The following SNUPN variants were observed in gnomAD, a reference collection of about 807,000 sequenced individuals.
SNUPN encodes the protein snurportin-1.
Under a neutral mutation model 39.2 loss-of-function variants are expected in SNUPN, and 31 were observed. That is an observed-to-expected ratio of 0.79 (90% CI 0.59 to 1.07). The LOEUF is 1.07. Ranked by LOEUF, SNUPN falls within the 50% of genes least tolerant of loss-of-function variation. SNUPN has a pLI of 0.00. For synonymous variants in SNUPN, 132 were observed against 159.0 expected, an observed-to-expected ratio of 0.83 and a Z score of 1.28; for missense variants, 382 against 434.2, an observed-to-expected ratio of 0.88 and a Z score of 1.07.
chr15:75,615,062 T>C (rs115712663), intron 3 of SNUPN, among the ~76,000 whole-genome samples: 1,601 of 152,332 alleles, frequency 0.011, 34 homozygotes, highest in African/African-American at 0.036. Context: ...TCCAGTCCAC[T>C]GCTAAGTTCT....
intron 3 of SNUPN, among the ~76,000 whole-genome samples, chr15:75,611,334 G>A (rs1471761558): frequency 6.7e-6 from 1 of 149,896 alleles, no homozygotes; most frequent in Non-Finnish European, 1.5e-5. Flanking sequence ...CTCACTGCAA[G>A]CTGCGCCTCC....
chr15:75,613,460 C>A (rs775727142), intron 3 of SNUPN, among the ~76,000 whole-genome samples: 1 of 150,704 alleles, frequency 6.6e-6, no homozygotes, highest in Non-Finnish European at 1.5e-5. Context: ...CTGGTCAATA[C>A]GCTGAAACCC....
intron 1 of SNUPN, 40 bp from the exon 2 acceptor site, chr15:75,621,096 T>C: frequency 6.3e-7 from 1 of 1,597,270 alleles, no homozygotes; most frequent in South Asian, 1.1e-5. Context: ...ATTCATTTCA[T>C]ATCATCTCCT....
chr15:75,608,322 G>A (rs2141367065), intron 5 of SNUPN, among the ~76,000 whole-genome samples: 1 of 152,272 alleles, frequency 6.6e-6, no homozygotes, highest in South Asian at 2.1e-4. Flanking sequence ...AATAAAGGCT[G>A]CAGTGAGCTG....
chr15:75,601,170 A>G lies in SNUPN; in HGVS notation c.727T>C (p.Cys243Arg). The G allele has an allele frequency of 6.2e-7, 1 of 1,613,886 alleles. No individual in the cohort carries two copies. Residue 243 changes from cysteine (C) to arginine (R), a missense_variant, in exon 8 of 9, where the codon TGT (cysteine) becomes CGT (arginine). Transcript: ENST00000308588. ...GGGAAATCCATAGATAGCACATCAC[A>G]CAGGCTTTCGGGAGTGCAAGGGAAG... ...KNFPCTPESL[C>R]DVLSMDFPFE... is the part of the protein sequence containing the mutation.
chr15:75,607,300 T>C lies in SNUPN; in HGVS notation c.516A>G (p.Leu172=), dbSNP rs980308070. The C allele has an allele frequency of 1.2e-6, 2 of 1,610,758 alleles. No individual in the cohort carries two copies. The highest frequency in any genetic ancestry group is 2.2e-5 in the South Asian group (2 of 90,994). The change falls in exon 6 of 9, where the codon CTA becomes CTG. Residue 172 remains leucine, a synonymous_variant. Transcript: ENST00000308588. ...RNSTAKDYTI[L]DCIYNEVNQT... ...GGTTTACCTCATTGTAAATGCAATC[T>C]AGAATGGTGTAGTCTGAGGACACAA...
intron 6 of SNUPN, among the ~76,000 whole-genome samples, chr15:75,605,937 G>A (rs1445662312): frequency 6.6e-6 from 1 of 152,184 alleles, no homozygotes; most frequent in East Asian, 1.9e-4. Context: ...CTTGAGGTCA[G>A]GAGTTCAAGA....
chr15:75,600,334 G>C (rs1190446801), intron 8 of SNUPN, among the ~76,000 whole-genome samples: 1 of 151,846 alleles, frequency 6.6e-6, no homozygotes, highest in Non-Finnish European at 1.5e-5. Flanking sequence ...GAGTGCAGTG[G>C]CTCAATCTCG....
At position 75,610,398 on chromosome 15, in the gene SNUPN, C is replaced by CT. The variant is rs1279246316; in HGVS notation, c.304-405dup. On this transcript the variant is annotated intron_variant, in intron 3 of 8. Transcript: ENST00000308588. ...CTGGGCACCAAGAGCGAAACTCTGT[C>CT]TCAAAAAAAAAAAAAAAAAAGAATG... Among the ~76,000 whole-genome samples, 12 of 135,318 alleles carry CT rather than the reference C, an allele frequency of 8.9e-5. No homozygotes were observed. The Admixed American group carries it at 9.0e-4, about 10-fold the overall frequency. The allele number at this position is 135,318 out of a possible 152,430, so 88.8% of individuals were successfully genotyped here. A position where few individuals can be genotyped will look rare whatever the true frequency, so the allele number is the denominator to read the frequency against.
chr15:75,617,071 TA>T (rs1178525795), intron 3 of SNUPN, among the ~76,000 whole-genome samples: 1 of 152,084 alleles, frequency 6.6e-6, no homozygotes, highest in East Asian at 1.9e-4. Context: ...CAGTGACAAC[TA>T]AAAAAAATGA....
Position 75,598,264 on chromosome 15 carries a change from AAAGAATG to A in SNUPN, c.*87_*93del, listed in dbSNP as rs2075256846. The A allele has an allele frequency of 9.9e-7, 1 of 1,013,366 alleles. No homozygotes were observed. Among genetic ancestry groups the A allele is most frequent in the Non-Finnish European group, 1.4e-6 (1 of 696,894 alleles). The allele number at this position is 1,013,366 out of a possible 1,614,324, so 62.8% of individuals were successfully genotyped here. On this transcript the variant is annotated 3_prime_UTR_variant, in exon 9 of 9. Transcript: ENST00000308588. ...GGACTGGGTTTGGAAAGTTCACTCT[AAAGAATG>A]AAGTCACCTGTTGTCACTGTCCTCC...
intron 2 of SNUPN, among the ~76,000 whole-genome samples, chr15:75,620,506 A>G (rs1185071724): frequency 1.3e-5 from 2 of 152,196 alleles, no homozygotes; most frequent in South Asian, 2.1e-4. Flanking sequence ...AGATGGGAAG[A>G]CCACACCAAT....
intron 2 of SNUPN, among the ~76,000 whole-genome samples, chr15:75,619,686 A>G (rs1893021277): frequency 6.6e-6 from 1 of 152,108 alleles, no homozygotes; most frequent in South Asian, 2.1e-4. Flanking sequence ...AATATAGGAG[A>G]GGAACTGGAT....
rs768259758 is a variant in SNUPN at position 75,621,052 on chromosome 15, C to T, written c.-1G>A. On this transcript the variant is annotated 5_prime_UTR_variant, in exon 2 of 9. Coordinates refer to ENST00000308588, the MANE Select transcript of SNUPN (RefSeq NM_005701.4). ...CCAGGGCCTGACTCAACTCTTCCAT[C>T]TTCCCTACAAAGGAAAACGTAAGAA... 13 of 1,613,772 alleles carry T rather than the reference C, an allele frequency of 8.1e-6. No individual in the cohort carries two copies. Among genetic ancestry groups the T allele is most frequent in the Admixed American group, 6.7e-5 (4 of 59,862 alleles).
chr15:75,622,722 AC>A (rs1351461165), intron 1 of SNUPN, among the ~76,000 whole-genome samples: 1 of 152,224 alleles, frequency 6.6e-6, no homozygotes, highest in African/African-American at 2.4e-5. Context: ...CAGAGCCTCT[AC>A]AGTGAAAAAT....
chr15:75,609,650 C>T lies in SNUPN; in HGVS notation c.410G>A (p.Gly137Asp). 1 of 1,605,672 alleles carries T rather than the reference C, an allele frequency of 6.2e-7. No homozygotes were observed. The highest frequency in any genetic ancestry group is 1.1e-5 in the South Asian group (1 of 90,200). Residue 137 changes from glycine to aspartate, a missense_variant and splice_region_variant, in exon 5 of 9, where the codon GGT becomes GAT. Coordinates refer to ENST00000308588, the MANE Select transcript of SNUPN (RefSeq NM_005701.4). ...ACTCTTGGTGTAGGCACTGGTAGAACCCTGCATGGAGAGAAAGTTACCATT... is the reference window on the plus strand; with the variant it reads ...ACTCTTGGTGTAGGCACTGGTAGAATCCTGCATGGAGAGAAAGTTACCATT... ...GKRALIVASR[G>D]STSAYTKSGY...
At chr15:75,616,390 A>G (rs984564729) in intron 3 of SNUPN, among the ~76,000 whole-genome samples, 7 of 151,948 alleles carry the variant, frequency 4.6e-5, no homozygotes, top group South Asian at 2.1e-4. Flanking sequence ...CCCGGGAGGC[A>G]GAGGTTGCAG....
chr15:75,604,604 C>T (rs1053917584), intron 7 of SNUPN, among the ~76,000 whole-genome samples: 1 of 152,142 alleles, frequency 6.6e-6, no homozygotes, highest in Non-Finnish European at 1.5e-5. Context: ...GGAGGACTTG[C>T]ATATTTATAT....
At chr15:75,618,662 T>G in intron 2 of SNUPN, among the ~76,000 whole-genome samples, 1 of 152,182 alleles carries the variant, frequency 6.6e-6, no homozygotes, top group South Asian at 2.1e-4. Flanking sequence ...CACAGCTGGT[T>G]TCTCTTAAAC....
Sources: gnomAD v4.1 joint callset for allele counts (sites outside exome capture counted in the v4.1 genomes callset) on GRCh38, gnomAD v4.1.1 for gene constraint, MANE v1.5 for transcripts, NCBI Gene and HGNC (gene_info 2026-07-23, HGNC 2026-07-21) for gene names.